Variants in CDK6 observed in about 807,000 individuals in gnomAD.
CDK6 encodes the protein cyclin dependent kinase 6.
Under a neutral mutation model 37.1 loss-of-function variants are expected in CDK6, and 6 were observed. The ratio of observed to expected loss-of-function variants is 0.16; its 90% CI spans 0.09 to 0.32. CDK6 has a LOEUF of 0.32. Ranked by LOEUF, CDK6 falls within the 10% of genes least tolerant of loss-of-function variation. CDK6 has a pLI of 1.00. For synonymous variants in CDK6, 160 were observed against 161.3 expected, an observed-to-expected ratio of 0.99 and a Z score of 0.06; for missense variants, 224 against 418.9, an observed-to-expected ratio of 0.53 and a Z score of 4.06.
At position 92,682,754 on chromosome 7, in the gene CDK6, C is replaced by T. The variant is rs561684652; in HGVS notation, c.538-11219G>A. Among the ~76,000 whole-genome samples the T allele has an allele frequency of 1.3e-4, 20 of 152,244 alleles. No homozygotes were observed. The South Asian group carries it at 3.9e-3, about 30-fold the overall frequency. ...TCTATTATAGTATAAATTTTATAGG[C>T]CATAGTTGTGTCCCCATGTCCACAC... On this transcript the variant is annotated intron_variant, in intron 4 of 7. Coordinates refer to ENST00000424848, the MANE Select transcript of CDK6 (RefSeq NM_001145306.2).
At chr7:92,635,546 A>G (rs1017874732) in intron 5 of CDK6, among the ~76,000 whole-genome samples, 4 of 152,238 alleles carry the variant, frequency 2.6e-5, no homozygotes, top group Non-Finnish European at 2.9e-5. Context: ...CTGCTGAGAA[A>G]TAAAATTAAC....
intron 2 of CDK6, among the ~76,000 whole-genome samples, chr7:92,821,763 A>G (rs1801179165): frequency 6.6e-6 from 1 of 151,648 alleles, no homozygotes. Context: ...ATAATATATT[A>G]GTATTATCAG....
intron 2 of CDK6, among the ~76,000 whole-genome samples, chr7:92,823,120 A>G (rs1801214385): frequency 6.6e-6 from 1 of 151,602 alleles, no homozygotes; most frequent in Non-Finnish European, 1.5e-5. Context: ...CCAAACCTAT[A>G]CCATCTTTCC....
intron 4 of CDK6, among the ~76,000 whole-genome samples, chr7:92,687,555 G>GAA (rs1366384571): frequency 3.3e-5 from 5 of 152,068 alleles, no homozygotes; most frequent in African/African-American, 1.2e-4. Flanking sequence ...AACAACTACG[G>GAA]CAATAGAATA....
At chr7:92,670,477 C>T (rs1797048782) in intron 5 of CDK6, among the ~76,000 whole-genome samples, 1 of 152,060 alleles carries the variant, frequency 6.6e-6, no homozygotes, top group African/African-American at 2.4e-5. Flanking sequence ...TATACTGTTT[C>T]CTAACTTACC....
At chr7:92,716,828 T>C (rs1395592859) in intron 4 of CDK6, among the ~76,000 whole-genome samples, 8 of 152,178 alleles carry the variant, frequency 5.3e-5, no homozygotes, top group African/African-American at 1.4e-4. Context: ...TCTCATTAAA[T>C]AGAACTCTTC....
At chr7:92,732,442 G>A (rs541211051) in intron 3 of CDK6, among the ~76,000 whole-genome samples, 49 of 152,244 alleles carry the variant, frequency 3.2e-4, no homozygotes, top group African/African-American at 1.1e-3. Context: ...GCTTTCTAAT[G>A]GCTGCAATTG....
intron 4 of CDK6, among the ~76,000 whole-genome samples, chr7:92,704,112 G>A (rs1397604374): frequency 6.6e-6 from 1 of 151,928 alleles, no homozygotes; most frequent in Admixed American, 6.6e-5. Context: ...GACCTTCTTT[G>A]ACCACCCTCC....
chr7:92,695,816 G>A (rs1797705271), intron 4 of CDK6, among the ~76,000 whole-genome samples: 1 of 152,192 alleles, frequency 6.6e-6, no homozygotes, highest in African/African-American at 2.4e-5. Flanking sequence ...TGCTGTTGCC[G>A]CCAGTGACCT....
intron 5 of CDK6, among the ~76,000 whole-genome samples, chr7:92,662,695 T>C (rs1796866423): frequency 6.6e-6 from 1 of 152,128 alleles, no homozygotes; most frequent in Admixed American, 6.5e-5. Flanking sequence ...TGTCTCCACG[T>C]ATTTGCAAAA....
chr7:92,677,549 G>C (rs1401631964), intron 4 of CDK6, among the ~76,000 whole-genome samples: 2 of 152,192 alleles, frequency 1.3e-5, no homozygotes, highest in African/African-American at 4.8e-5. Flanking sequence ...AACCTGGGAG[G>C]TGGAGGTTGC....
chr7:92,713,419 G>A (rs1167632692), intron 4 of CDK6, among the ~76,000 whole-genome samples: 1 of 151,984 alleles, frequency 6.6e-6, no homozygotes, highest in Non-Finnish European at 1.5e-5. Context: ...AAACATTTAT[G>A]CAGTTTTATT....
chr7:92,744,711 T>G (rs1320926636), intron 3 of CDK6, among the ~76,000 whole-genome samples: 2 of 152,240 alleles, frequency 1.3e-5, no homozygotes, highest in Admixed American at 6.5e-5. Context: ...TACACATTAT[T>G]ATTTTACAGC....
intron 3 of CDK6, among the ~76,000 whole-genome samples, chr7:92,764,928 T>C (rs746266861): frequency 6.6e-6 from 1 of 152,210 alleles, no homozygotes; most frequent in Non-Finnish European, 1.5e-5. Flanking sequence ...TATTGCAAAT[T>C]GTTGGCAATT....
At chr7:92,661,262 T>C (rs974895455) in intron 5 of CDK6, among the ~76,000 whole-genome samples, 1 of 152,206 alleles carries the variant, frequency 6.6e-6, no homozygotes, top group Non-Finnish European at 1.5e-5. Flanking sequence ...TCAGTTTTCT[T>C]ACCTGTCAAA....
rs754445664 is a variant in CDK6 at position 92,607,164 on chromosome 7, A to C, written c.*7976T>G. The C allele has an allele frequency of 2.1e-5, 5 of 233,392 alleles. No homozygotes were observed. Among genetic ancestry groups the C allele is most frequent in the Admixed American group, 1.1e-4 (2 of 17,756 alleles). The allele number at this position is 233,392 out of a possible 1,614,324, so 14.5% of individuals were successfully genotyped here. Reference sequence around the variant, plus strand: ...TCTGCTTCTACAGAAAAACTCTCACACTGCTCTCCTCTCAACAGTACTGCC... The same window carrying C: ...TCTGCTTCTACAGAAAAACTCTCACCCTGCTCTCCTCTCAACAGTACTGCC... On this transcript the variant is annotated 3_prime_UTR_variant, in exon 8 of 8. Coordinates refer to ENST00000424848, the MANE Select transcript of CDK6 (RefSeq NM_001145306.2).
intron 5 of CDK6, among the ~76,000 whole-genome samples, chr7:92,657,609 C>T (rs1054616456): frequency 6.6e-6 from 1 of 152,054 alleles, no homozygotes; most frequent in Non-Finnish European, 1.5e-5. Context: ...CTATCACTAC[C>T]CAACTGATAA....
Position 92,833,865 on chromosome 7 carries a change from G to A in CDK6, c.-367-175C>T. 1.3e-5 allele frequency: 5 copies of A among 398,876 alleles called. No homozygotes were observed. Among genetic ancestry groups the A allele is most frequent in the Non-Finnish European group, 2.2e-5 (5 of 226,354 alleles). 24.7% of individuals were successfully genotyped at this position (398,876 alleles called of 1,614,324 possible). A position where few individuals can be genotyped will look rare whatever the true frequency, so the allele number is the denominator to read the frequency against. ...CCTTCCTGGTTCCTCCGAGAAAAGC[G>A]AAGTTACTTTTCTTTCCCTGCAGGG... On this transcript the variant is annotated intron_variant, in intron 1 of 7. Transcript: ENST00000424848. The surrounding 1 kb of genome is among the most constrained non-coding windows in gnomAD (Gnocchi z 6.1).
At chr7:92,621,615 C>T (rs1795806686) in intron 6 of CDK6, among the ~76,000 whole-genome samples, 1 of 152,186 alleles carries the variant, frequency 6.6e-6, no homozygotes, top group Admixed American at 6.5e-5. Flanking sequence ...TCCCTAGTTT[C>T]CTCTTTATGA....
Sources: allele counts gnomAD v4.1 joint callset (sites outside exome capture counted in the v4.1 genomes callset), GRCh38; gene constraint gnomAD v4.1.1; non-coding constraint Gnocchi (gnomAD v3.1); transcripts MANE v1.5; gene names NCBI Gene and HGNC (gene_info 2026-07-23, HGNC 2026-07-21).